ENPEP: variants seen among roughly 807,000 people sequenced by gnomAD.
ENPEP encodes the protein glutamyl aminopeptidase, also known as AP-A.
ENPEP carries 103 observed loss-of-function variants against 114.5 expected under a neutral mutation model. That is an observed-to-expected ratio of 0.90 (90% CI 0.77 to 1.06). The LOEUF (loss-of-function observed/expected upper bound fraction) is 1.06, where lower values mean the gene tolerates loss of function less well. Ranked by LOEUF, ENPEP falls within the 50% of genes least tolerant of loss-of-function variation. The pLI is 0.00. For synonymous variants in ENPEP, 420 were observed against 422.0 expected (o/e 1.00, Z 0.06); for missense variants, 1,196 against 1,161.3 (o/e 1.03, Z -0.43).
chr4:110,564,537 T>C lies in ENPEP; in HGVS notation c.*2979T>C, dbSNP rs1400878775. ...ATCACTCAATAAGTGTTAGCTCTTA[T>C]TATTGTTACTATTATATCTCCCCAT... On this transcript the variant is annotated 3_prime_UTR_variant, in exon 20 of 20. Coordinates refer to ENST00000265162, the MANE Select transcript of ENPEP (RefSeq NM_001977.4). 1 of 152,194 alleles carries C rather than the reference T, an allele frequency of 6.6e-6. No homozygotes were observed. The highest frequency in any genetic ancestry group is 2.4e-5 in the African/African-American group (1 of 41,442). 9.4% of individuals were successfully genotyped at this position (152,194 alleles called of 1,614,324 possible).
chr4:110,551,911 C>G (rs902386886), intron 17 of ENPEP, among the ~76,000 whole-genome samples: 2 of 152,070 alleles, frequency 1.3e-5, no homozygotes, highest in African/African-American at 4.8e-5. Context: ...AGGTGTTTAC[C>G]TATTTTGGTC....
chr4:110,501,469 G>C (rs1725155505), intron 3 of ENPEP, among the ~76,000 whole-genome samples: 2 of 152,136 alleles, frequency 1.3e-5, no homozygotes, highest in South Asian at 4.2e-4. Flanking sequence ...GATGTCTATT[G>C]CTTCCTTCTT....
intron 14 of ENPEP, among the ~76,000 whole-genome samples, chr4:110,549,128 T>C (rs552173885): frequency 3.3e-5 from 5 of 152,188 alleles, no homozygotes; most frequent in Non-Finnish European, 7.4e-5. Flanking sequence ...CAAAGTTTTA[T>C]AAAACATTAC....
Position 110,549,353 on chromosome 4 carries a change from T to A in ENPEP, c.2159T>A (p.Phe720Tyr), listed in dbSNP as rs772922986. Residue 720 changes from phenylalanine (F) to tyrosine (Y), a missense_variant, in exon 15 of 20, where the codon TTC becomes TAC. Phe to Tyr is a conservative substitution (Grantham distance 22). Transcript: ENST00000265162. ...ATAATACTTTTATTTCAGGAATACTTCCAAGGTCAAGTGAAGCCTATTGCA... is the reference window on the plus strand; with the variant it reads ...ATAATACTTTTATTTCAGGAATACTACCAAGGTCAAGTGAAGCCTATTGCA... ...KELYPMIEEY[F>Y]QGQVKPIADS... 1 of 1,612,778 alleles carries A rather than the reference T, an allele frequency of 6.2e-7. No homozygotes were observed. Among genetic ancestry groups the A allele is most frequent in the Non-Finnish European group, 8.5e-7 (1 of 1,179,088 alleles).
Position 110,491,033 on chromosome 4 carries a change from A to G in ENPEP, c.787A>G (p.Lys263Glu), listed in dbSNP as rs368709828. The G allele has an allele frequency of 6.2e-7, 1 of 1,604,012 alleles. No individual in the cohort carries two copies. The highest frequency in any genetic ancestry group is 1.3e-5 in the African/African-American group (1 of 74,208). Residue 263 changes from lysine (K) to glutamate (E), a missense_variant and splice_region_variant, in exon 3 of 20, where the codon AAA (lysine) becomes GAA (glutamate). By Grantham distance (56) the Lys-to-Glu change is moderately conservative. Transcript: ENST00000265162. ...YGALSNMPVA[K>E]EESVDDKWTR... is the part of the protein sequence containing the mutation. Reference sequence around the variant, plus strand: ...AAAGTTTATCTTTTCTTTTCAATAGAAAGAAGAGTCAGTGGATGATAAATG... The same window carrying G: ...AAAGTTTATCTTTTCTTTTCAATAGGAAGAAGAGTCAGTGGATGATAAATG...
chr4:110,517,983 T>A lies in ENPEP; in HGVS notation c.1510-2025T>A, dbSNP rs114817178. Among the ~76,000 whole-genome samples, 417 of 152,338 alleles carry A rather than the reference T, an allele frequency of 2.7e-3. 2 individuals are homozygous for A. The highest frequency in any genetic ancestry group is 9.6e-3 in the African/African-American group (400 of 41,578). On this transcript the variant is annotated intron_variant, in intron 8 of 19. Coordinates refer to ENST00000265162, the MANE Select transcript of ENPEP (RefSeq NM_001977.4). The stretch of plus-strand genomic sequence containing the variant: ...ATTGTTGCCCTGAAATCCCACAGGC[T>A]ATGAATGGGAGTTCAAGGTATTTCT...
intron 6 of ENPEP, among the ~76,000 whole-genome samples, chr4:110,511,795 A>C (rs1725587673): frequency 3.4e-5 from 5 of 147,960 alleles, no homozygotes; most frequent in Non-Finnish European, 5.9e-5. Flanking sequence ...ATGGAGTCTC[A>C]CTCTGTCACC....
rs191084607 is a variant in ENPEP at position 110,542,461 on chromosome 4, G to A, written c.1808-290G>A. Among the ~76,000 whole-genome samples the A allele has an allele frequency of 8.1e-4, 123 of 152,106 alleles. 2 individuals are homozygous for A. The highest frequency in any genetic ancestry group is 3.4e-3 in the Middle Eastern group (1 of 294). ...CTTTTATTGATGGATTGACCAGCACGAAATTATTTCGCCCATTTGACAAGC... is the reference window on the plus strand; with the variant it reads ...CTTTTATTGATGGATTGACCAGCACAAAATTATTTCGCCCATTTGACAAGC... On this transcript the variant is annotated intron_variant, in intron 11 of 19. Transcript: ENST00000265162.
chr4:110,506,389 T>G, intron 3 of ENPEP: 2 of 382,788 alleles, frequency 5.2e-6, no homozygotes, highest in Middle Eastern at 7.1e-4. Context: ...CTTACATTAT[T>G]TCTAGTCATT....
At chr4:110,553,823 T>C (rs1727379005) in intron 18 of ENPEP, among the ~76,000 whole-genome samples, 1 of 152,022 alleles carries the variant, frequency 6.6e-6, no homozygotes, top group East Asian at 1.9e-4. Flanking sequence ...GTAAAAATTA[T>C]TGGACCTGGG....
chr4:110,483,723 A>G (rs4395575), intron 1 of ENPEP, among the ~76,000 whole-genome samples: 2,765 of 152,330 alleles, frequency 0.018, 43 homozygotes, highest in Middle Eastern at 0.051. Context: ...TGGCGCGATA[A>G]TTATTCAGGA....
chr4:110,554,450 C>T (rs1391333203), intron 18 of ENPEP, among the ~76,000 whole-genome samples: 1 of 151,942 alleles, frequency 6.6e-6, no homozygotes, highest in East Asian at 1.9e-4. Context: ...TTGCTTCTGC[C>T]TGCTTGTGAT....
intron 18 of ENPEP, among the ~76,000 whole-genome samples, chr4:110,559,424 C>A (rs1260758081): frequency 6.6e-6 from 1 of 151,454 alleles, no homozygotes; most frequent in Non-Finnish European, 1.5e-5. Context: ...TCTTCCATAT[C>A]TCAGAGGGTC....
intron 3 of ENPEP, among the ~76,000 whole-genome samples, chr4:110,495,851 A>G (rs376117441): frequency 6.6e-6 from 1 of 152,232 alleles, no homozygotes; most frequent in African/African-American, 2.4e-5. Flanking sequence ...ATAAAGAAGT[A>G]TGTGCAAAAA....
chr4:110,515,815 T>C (rs1354755346), intron 8 of ENPEP: 1 of 457,538 alleles, frequency 2.2e-6, no homozygotes, highest in East Asian at 6.9e-5. Flanking sequence ...AAGTGCTGGC[T>C]GATTCCGTTT....
intron 5 of ENPEP, 98 bp downstream of exon 5, chr4:110,509,905 C>G (rs1193175306): frequency 3.5e-6 from 5 of 1,420,456 alleles, no homozygotes; most frequent in Non-Finnish European, 4.7e-6. Flanking sequence ...TAAAAAATAG[C>G]CAACTCAGAA....
intron 1 of ENPEP, among the ~76,000 whole-genome samples, chr4:110,485,864 GTCTC>G (rs1369754628): frequency 1.3e-5 from 2 of 151,214 alleles, no homozygotes; most frequent in African/African-American, 2.4e-5. Flanking sequence ...GAAGTGATGT[GTCTC>G]TCTCAGGAAA....
chr4:110,555,534 C>A (rs1369035661), intron 18 of ENPEP, among the ~76,000 whole-genome samples: 1 of 151,968 alleles, frequency 6.6e-6, no homozygotes, highest in South Asian at 2.1e-4. Flanking sequence ...TGAGACTTAG[C>A]CACAAAGTCC....
Position 110,542,749 on chromosome 4 carries a change from A to G in ENPEP, c.1808-2A>G, listed in dbSNP as rs781709450. The G allele has an allele frequency of 1.2e-6, 2 of 1,610,902 alleles. No homozygotes were observed. The highest frequency in any genetic ancestry group is 3.3e-5 in the Admixed American group (2 of 59,742). ...CTCATTAGTGTTTATTTACTACTAC[A>G]GGAATCACTTTGAACTCCTCTAATC... On this transcript the variant is annotated splice_acceptor_variant, in intron 11 of 19. Coordinates refer to ENST00000265162, the MANE Select transcript of ENPEP (RefSeq NM_001977.4). LOFTEE classifies it high-confidence loss of function.
Sources: allele counts gnomAD v4.1 joint callset (sites outside exome capture counted in the v4.1 genomes callset), GRCh38; gene constraint gnomAD v4.1.1; transcripts MANE v1.5; gene names NCBI Gene and HGNC (gene_info 2026-07-23, HGNC 2026-07-21).